RAD51B: variants seen among roughly 807,000 people sequenced by gnomAD.
RAD51B encodes RAD51 paralog B, also known as DNA repair protein RAD51 homolog 2.
In RAD51B, 38 loss-of-function variants were observed where a neutral mutation model predicts 42.2. The observed-to-expected ratio is 0.90, with a 90% CI of 0.70 to 1.18. The LOEUF (loss-of-function observed/expected upper bound fraction) is 1.18, where lower values mean the gene tolerates loss of function less well. RAD51B is among the 50% of genes most tolerant of loss of function. The pLI is 0.00. For synonymous variants in RAD51B, 154 were observed against 145.2 expected, an observed-to-expected ratio of 1.06 and a Z score of -0.43; for missense variants, 373 against 400.7, an observed-to-expected ratio of 0.93 and a Z score of 0.59.
intron 8 of RAD51B, among the ~76,000 whole-genome samples, chr14:68,351,497 C>T (rs2082788063): frequency 6.6e-6 from 1 of 152,154 alleles, no homozygotes; most frequent in South Asian, 2.1e-4. Flanking sequence ...AACCAGGAAT[C>T]AAAGAAGCCC....
chr14:68,013,239 T>G (rs1224755480), intron 7 of RAD51B, among the ~76,000 whole-genome samples: 1 of 152,124 alleles, frequency 6.6e-6, no homozygotes. Context: ...TTAAGTAGAG[T>G]GTCTGGGTTC....
intron 8 of RAD51B, among the ~76,000 whole-genome samples, chr14:68,396,156 T>C (rs1364733038): frequency 6.6e-6 from 1 of 152,164 alleles, no homozygotes; most frequent in African/African-American, 2.4e-5. Flanking sequence ...TATACAGATA[T>C]CAGTAAGGTT....
rs2085110097 is a variant in RAD51B at position 68,434,928 on chromosome 14, C to T, written c.957+23401C>T. 2.6e-5 allele frequency among the ~76,000 whole-genome samples: 4 copies of T among 152,202 alleles called. No homozygotes were observed. In the South Asian group the frequency reaches 8.3e-4, roughly 31 times the overall value. ...TTTATCCATTTATTTGTTGATACAC[C>T]TTTAGATTGTTTCCATACCTTGGCT... On this transcript the variant is annotated intron_variant, in intron 9 of 10. Coordinates refer to ENST00000471583, the MANE Select transcript of RAD51B (RefSeq NM_133510.4).
At chr14:68,480,357 G>A (rs538674160), downstream of RAD51B, among the ~76,000 whole-genome samples, 7 of 152,334 alleles carry the variant, frequency 4.6e-5, no homozygotes, top group East Asian at 1.3e-3. Flanking sequence ...GATTACAGGT[G>A]TGAGCCCGGC....
chr14:68,579,078 T>C (rs1393859487), intron 10 of RAD51B, among the ~76,000 whole-genome samples: 1 of 152,160 alleles, frequency 6.6e-6, no homozygotes, highest in Non-Finnish European at 1.5e-5. Flanking sequence ...TGATGCCAGA[T>C]TCAGCTCTCT....
At chr14:67,949,820 A>G (rs1243556689) in intron 7 of RAD51B, among the ~76,000 whole-genome samples, 1 of 152,222 alleles carries the variant, frequency 6.6e-6, no homozygotes, top group African/African-American at 2.4e-5. Flanking sequence ...AGAGGCATGA[A>G]AACAACATTA....
chr14:68,248,529 A>G (rs866582549), intron 7 of RAD51B, among the ~76,000 whole-genome samples: 8 of 152,106 alleles, frequency 5.3e-5, no homozygotes, highest in African/African-American at 1.2e-4. Context: ...CTCTTCTAAC[A>G]TAGCCTTTTT....
At chr14:68,051,894 GT>G (rs2076399720) in intron 7 of RAD51B, among the ~76,000 whole-genome samples, 1 of 151,632 alleles carries the variant, frequency 6.6e-6, no homozygotes, top group Non-Finnish European at 1.5e-5. Flanking sequence ...GTGTGTGTGT[GT>G]GTGTAAAATG....
intron 7 of RAD51B, among the ~76,000 whole-genome samples, chr14:68,042,743 A>G (rs1690126144): frequency 6.6e-6 from 1 of 152,232 alleles, no homozygotes; most frequent in Admixed American, 6.5e-5. Flanking sequence ...AGAGAAGGTG[A>G]TGGAGGCTCC....
intron 7 of RAD51B, among the ~76,000 whole-genome samples, chr14:68,013,214 C>A (rs1260263939): frequency 6.6e-6 from 1 of 152,164 alleles, no homozygotes; most frequent in Non-Finnish European, 1.5e-5. Context: ...TCCAAATGAA[C>A]TAGTTTGGGC....
At chr14:68,146,464 G>A (rs987071180) in intron 7 of RAD51B, among the ~76,000 whole-genome samples, 14 of 151,694 alleles carry the variant, frequency 9.2e-5, no homozygotes, top group African/African-American at 3.2e-4. Context: ...GTTTAGAATC[G>A]TCGCAGGAGG....
chr14:68,582,804 C>T (rs1351216192), intron 10 of RAD51B, among the ~76,000 whole-genome samples: 2 of 152,136 alleles, frequency 1.3e-5, no homozygotes, highest in South Asian at 2.1e-4. Flanking sequence ...ACATATACAC[C>T]ATGGAATACT....
intron 7 of RAD51B, among the ~76,000 whole-genome samples, chr14:67,888,238 G>A (rs1382646453): frequency 1.3e-5 from 2 of 152,076 alleles, no homozygotes; most frequent in African/African-American, 4.8e-5. Context: ...TGTCTTGGGT[G>A]ATGTTCATCT....
In RAD51B at chr14:67,886,099, A is replaced by G. The variant is rs2043052711; in HGVS notation, c.572+111A>G. The G allele has an allele frequency of 3.3e-6, 3 of 911,624 alleles. No individual in the cohort carries two copies. In the South Asian group the frequency reaches 9.3e-5, roughly 28 times the overall value. 56.5% of individuals were successfully genotyped at this position (911,624 alleles called of 1,614,324 possible). ...GTCTTTATAGGTTAGAATTATGTGG[A>G]GTAACTTTTTCAGTGTTCTTCTTTG... On this transcript the variant is annotated intron_variant, in intron 6 of 10. Transcript: ENST00000471583.
At chr14:67,953,230 G>A (rs561989735) in intron 7 of RAD51B, among the ~76,000 whole-genome samples, 2 of 152,186 alleles carry the variant, frequency 1.3e-5, no homozygotes, top group South Asian at 2.1e-4. Context: ...ACATTATGGT[G>A]TGTGTTGAAT....
chr14:68,488,393 G>C (rs1366480560), intron 10 of RAD51B, among the ~76,000 whole-genome samples: 1 of 152,082 alleles, frequency 6.6e-6, no homozygotes, highest in Non-Finnish European at 1.5e-5. Context: ...GACCAAACTT[G>C]AGTCAGGCTC....
chr14:68,682,891 A>G, intron 11 of RAD51B: 2 of 933,328 alleles, frequency 2.1e-6, no homozygotes, highest in Non-Finnish European at 2.6e-6. Flanking sequence ...TTTTTTTAAT[A>G]AAAATCTGTA....
intron 7 of RAD51B, among the ~76,000 whole-genome samples, chr14:68,236,726 A>AC (rs2080265972): frequency 6.6e-6 from 1 of 152,070 alleles, no homozygotes; most frequent in South Asian, 2.1e-4. Flanking sequence ...TAAAACACTG[A>AC]CCCCTTCTAG....
chr14:68,542,510 A>G (rs1275472749), intron 10 of RAD51B, among the ~76,000 whole-genome samples: 1 of 152,174 alleles, frequency 6.6e-6, no homozygotes, highest in Non-Finnish European at 1.5e-5. Context: ...GTAGTGATTC[A>G]TATGTCATTG....
Sources: gnomAD v4.1 joint callset for allele counts (sites outside exome capture counted in the v4.1 genomes callset) on GRCh38, gnomAD v4.1.1 for gene constraint, MANE v1.5 for transcripts, NCBI Gene and HGNC (gene_info 2026-07-23, HGNC 2026-07-21) for gene names.